The following ELOVL4 variants were observed in gnomAD, a reference collection of about 807,000 sequenced individuals.
The protein encoded by ELOVL4 is ELOVL fatty acid elongase 4.
Under a neutral mutation model 42.1 loss-of-function variants are expected in ELOVL4, and 18 were observed. That is an observed-to-expected ratio of 0.43 (90% CI 0.30 to 0.63). The LOEUF (loss-of-function observed/expected upper bound fraction) is 0.63. ELOVL4 is among the 30% of genes least tolerant of loss of function. ELOVL4 has a pLI of 0.15. For synonymous variants in ELOVL4, 117 were observed against 127.0 expected (o/e 0.92, Z 0.53); for missense variants, 299 against 376.2 (o/e 0.79, Z 1.70).
chr6:79,947,274 C>A lies in ELOVL4; in HGVS notation c.6G>T (p.Gly2=), dbSNP rs759658748. 31 of 1,611,802 alleles carry A rather than the reference C, an allele frequency of 1.9e-5. No homozygotes were observed. Among genetic ancestry groups the A allele is most frequent in the Non-Finnish European group, 2.5e-5 (30 of 1,178,900 alleles). The change falls in exon 1 of 6, where the codon GGG becomes GGT. Residue 2 remains glycine (G), a synonymous_variant. Coordinates refer to ENST00000369816, the MANE Select transcript of ELOVL4 (RefSeq NM_022726.4). M[G]LLDSEPGSVL... Reference sequence around the variant, plus strand: ...CACTACCCGGCTCCGAGTCCAGGAGCCCCATCGCGGCGATGAGCGGGCGCT... The same window carrying A: ...CACTACCCGGCTCCGAGTCCAGGAGACCCATCGCGGCGATGAGCGGGCGCT...
rs1239006894 is a variant in ELOVL4 at position 79,947,196 on chromosome 6, C to T, written c.84G>A (p.Trp28Ter). ...CGGCTTTACCTGCGATGGACCAGGT[C>T]CAGCGGTAGAACTCTACCGTGTCGT... ...ALNDTVEFYR[W>*]TWSIADKRVE... is the part of the protein sequence containing the mutation. The change falls in exon 1 of 6, where the codon TGG (tryptophan) becomes TGA (stop). Residue 28 changes from tryptophan (W) to a stop codon, truncating the protein, a stop_gained. Coordinates refer to ENST00000369816, the MANE Select transcript of ELOVL4 (RefSeq NM_022726.4). LOFTEE classifies it high-confidence loss of function. 1 of 1,612,782 alleles carries T rather than the reference C, an allele frequency of 6.2e-7. No homozygotes were observed.
At chr6:79,923,751 T>G (rs565592397) in intron 3 of ELOVL4, among the ~76,000 whole-genome samples, 25 of 152,162 alleles carry the variant, frequency 1.6e-4, no homozygotes, top group Non-Finnish European at 3.2e-4. Context: ...CAACATATAG[T>G]AGATGCTCAA....
intron 1 of ELOVL4, among the ~76,000 whole-genome samples, chr6:79,940,326 A>C (rs1044187904): frequency 6.6e-6 from 1 of 152,226 alleles, no homozygotes; most frequent in African/African-American, 2.4e-5. Context: ...TTGTTTACAA[A>C]TGGTAATATT....
chr6:79,933,983 T>A (rs143897361), intron 1 of ELOVL4, among the ~76,000 whole-genome samples: 284 of 152,326 alleles, frequency 1.9e-3, no homozygotes, highest in African/African-American at 6.5e-3. Flanking sequence ...GACAGTGAAG[T>A]CATGATCCAT....
intron 2 of ELOVL4, 120 bp downstream of exon 2, chr6:79,926,074 T>A: frequency 1.1e-6 from 1 of 882,868 alleles, no homozygotes; most frequent in South Asian, 1.6e-5. Context: ...GTCAAAAATG[T>A]ACTTTTAGAG....
At chr6:79,928,798 G>GGT (rs1227305625) in intron 1 of ELOVL4, among the ~76,000 whole-genome samples, 5 of 143,590 alleles carry the variant, frequency 3.5e-5, no homozygotes, top group African/African-American at 5.2e-5. Context: ...AGAGGGCAGT[G>GGT]GTGCACACAT....
intron 2 of ELOVL4, 32 bp from the exon 3 acceptor site, chr6:79,925,064 G>A: frequency 1.4e-6 from 2 of 1,414,524 alleles, no homozygotes; most frequent in South Asian, 2.3e-5. Context: ...TTGTAGTAAA[G>A]TTTTAGTAAA....
chr6:79,933,374 G>A (rs866401568), intron 1 of ELOVL4, among the ~76,000 whole-genome samples: 2 of 152,082 alleles, frequency 1.3e-5, no homozygotes, highest in African/African-American at 4.8e-5. Flanking sequence ...TGGACTACAG[G>A]TGCATGCCAC....
intron 1 of ELOVL4, among the ~76,000 whole-genome samples, chr6:79,934,375 T>C (rs915476489): frequency 1.3e-5 from 2 of 152,002 alleles, no homozygotes; most frequent in African/African-American, 2.4e-5. Flanking sequence ...GAAAACCAAC[T>C]GTTCTTCCTT....
At chr6:79,920,337 T>G (rs9448858) in intron 4 of ELOVL4, among the ~76,000 whole-genome samples, 24,404 of 152,164 alleles carry the variant, frequency 0.16, 2,238 homozygotes, top group South Asian at 0.36. Context: ...TGAATCATCC[T>G]TAATCTACAG....
chr6:79,931,184 C>A (rs1309548518), intron 1 of ELOVL4, among the ~76,000 whole-genome samples: 1 of 152,048 alleles, frequency 6.6e-6, no homozygotes, highest in African/African-American at 2.4e-5. Context: ...ATATTTTATA[C>A]TATTAATATG....
At chr6:79,918,388 T>C (rs1180272369) in intron 5 of ELOVL4, among the ~76,000 whole-genome samples, 1 of 152,098 alleles carries the variant, frequency 6.6e-6, no homozygotes, top group African/African-American at 2.4e-5. Context: ...ATAGGACTAA[T>C]TCACATGATT....
At position 79,919,426 on chromosome 6, in the gene ELOVL4, C is replaced by T. The variant is rs777542984; in HGVS notation, c.663G>A (p.Leu221=). The T allele has an allele frequency of 8.1e-6, 13 of 1,613,728 alleles. No individual in the cohort carries two copies. Among genetic ancestry groups the T allele is most frequent in the Admixed American group, 3.3e-5 (2 of 60,018 alleles). The change falls in exon 5 of 6, where the codon TTG becomes TTA. Residue 221 remains leucine (L), a synonymous_variant. Transcript: ENST00000369816. The stretch of plus-strand genomic sequence containing the variant: ...TTGGAAGCATTTAACTCACCAGTTG[C>T]AACATAGTCAGGTATCGTTTCCACC... ...YLWWKRYLTM[L]QLIQFHVTIG...
intron 1 of ELOVL4, among the ~76,000 whole-genome samples, chr6:79,943,751 C>G: frequency 6.6e-6 from 1 of 152,090 alleles, no homozygotes; most frequent in East Asian, 1.9e-4. Context: ...CAAGTAAATA[C>G]GGAAAGAAAT....
intron 1 of ELOVL4, among the ~76,000 whole-genome samples, chr6:79,927,093 A>C (rs1025769314): frequency 1.3e-5 from 2 of 152,190 alleles, no homozygotes; most frequent in Non-Finnish European, 2.9e-5. Flanking sequence ...GCAACACATT[A>C]TTTTACTTAA....
At chr6:79,946,673 G>A (rs1257303370) in intron 1 of ELOVL4, among the ~76,000 whole-genome samples, 1 of 152,246 alleles carries the variant, frequency 6.6e-6, no homozygotes, top group East Asian at 1.9e-4. Context: ...GAAGGAGCTA[G>A]ATAGAAGAAA....
rs546573048 is a variant in ELOVL4, at chr6:79,933,870, G to A, written c.101-7489C>T. Among the ~76,000 whole-genome samples, 12 of 152,286 alleles carry A rather than the reference G, an allele frequency of 7.9e-5. 1 individual carries two copies. In the East Asian group the frequency reaches 1.7e-3, roughly 22 times the overall value. Reference sequence around the variant, plus strand: ...CAGGATAGGTAGATACGAAGGTTTCGTGGGTAAAATCTACAGACTCCACGA... The same window carrying A: ...CAGGATAGGTAGATACGAAGGTTTCATGGGTAAAATCTACAGACTCCACGA... On this transcript the variant is annotated intron_variant, in intron 1 of 5. Transcript: ENST00000369816.
chr6:79,915,542 A>C lies in ELOVL4; in HGVS notation c.*1066T>G, dbSNP rs45594338. 0.032 allele frequency: 4,887 copies of C among 152,632 alleles called. 108 individuals carry two copies. Among genetic ancestry groups the C allele is most frequent in the Middle Eastern group, 0.061 (18 of 294 alleles). 9.5% of individuals were successfully genotyped at this position (152,632 alleles called of 1,614,324 possible). On this transcript the variant is annotated 3_prime_UTR_variant, in exon 6 of 6. Coordinates refer to ENST00000369816, the MANE Select transcript of ELOVL4 (RefSeq NM_022726.4). ...CATTGAAAGAGAAGGATAGTTTCAC[A>C]GAAATGTTTGGTGTATGCTATTTGT...
intron 1 of ELOVL4, among the ~76,000 whole-genome samples, chr6:79,943,063 CTCAAAGAAACAT>C (rs572253040): frequency 6.0e-5 from 9 of 150,748 alleles, no homozygotes; most frequent in African/African-American, 1.5e-4. Context: ...AATGTCTTTT[CTCAAAGAAACAT>C]TCAAAGAAAA....
Sources: gnomAD v4.1 joint callset for allele counts (sites outside exome capture counted in the v4.1 genomes callset) on GRCh38, gnomAD v4.1.1 for gene constraint, MANE v1.5 for transcripts, NCBI Gene and HGNC (gene_info 2026-07-23, HGNC 2026-07-21) for gene names.